The following ATP8B4 variants were observed in gnomAD, a reference collection of about 807,000 sequenced individuals.
ATP8B4 encodes ATPase phospholipid transporting 8B4 (putative).
ATP8B4 carries 133 observed loss-of-function variants against 145.6 expected under a neutral mutation model. The observed-to-expected ratio is 0.91, with a 90% CI of 0.79 to 1.05. The LOEUF is 1.05. Among genes scored for constraint, ATP8B4 ranks in the 50% least tolerant of loss-of-function variants. The pLI is 0.00. For missense variants in ATP8B4, 1,458 were observed against 1,425.2 expected (o/e 1.02, Z -0.37); for synonymous variants, 507 against 492.9 (o/e 1.03, Z -0.38).
chr15:50,101,748 A>G (rs1300947437), intron 2 of ATP8B4, among the ~76,000 whole-genome samples: 1 of 152,170 alleles, frequency 6.6e-6, no homozygotes, highest in Non-Finnish European at 1.5e-5. Flanking sequence ...TGGACTTAAC[A>G]GATATTTACA....
intron 20 of ATP8B4, among the ~76,000 whole-genome samples, chr15:49,910,578 A>T (rs1388349313): frequency 1.3e-5 from 2 of 152,202 alleles, no homozygotes; most frequent in Non-Finnish European, 2.9e-5. Context: ...TGACAATGAT[A>T]AAATTCTAAA....
At chr15:50,161,934 G>A (rs969177742) in intron 1 of ATP8B4, among the ~76,000 whole-genome samples, 2 of 152,036 alleles carry the variant, frequency 1.3e-5, no homozygotes, top group South Asian at 4.1e-4. Flanking sequence ...ACTCCTTTTA[G>A]CATTTCTTGG....
At chr15:50,129,391 C>A (rs2057329590) in intron 1 of ATP8B4, among the ~76,000 whole-genome samples, 1 of 152,140 alleles carries the variant, frequency 6.6e-6, no homozygotes, top group Non-Finnish European at 1.5e-5. Flanking sequence ...ATGTTCCATG[C>A]CTCTCTTCAG....
At chr15:49,933,112 G>A (rs543617562) in intron 15 of ATP8B4, among the ~76,000 whole-genome samples, 1 of 151,938 alleles carries the variant, frequency 6.6e-6, no homozygotes, top group South Asian at 2.1e-4. Context: ...TATAAATTAA[G>A]TTCAAAGTAA....
chr15:50,047,632 C>A (rs1327387107), intron 3 of ATP8B4, among the ~76,000 whole-genome samples, 168 bp from the exon 4 acceptor site: 1 of 151,892 alleles, frequency 6.6e-6, no homozygotes, highest in Non-Finnish European at 1.5e-5. Flanking sequence ...ATGATATGCT[C>A]CTGATACTAG....
At chr15:50,104,467 AAT>A (rs2056560379) in intron 2 of ATP8B4, among the ~76,000 whole-genome samples, 1 of 152,218 alleles carries the variant, frequency 6.6e-6, no homozygotes, top group Admixed American at 6.5e-5. Context: ...ATGGCCAACA[AAT>A]ATATGAAAAA....
At chr15:50,170,996 A>G (rs1046884991) in intron 1 of ATP8B4, among the ~76,000 whole-genome samples, 6 of 152,232 alleles carry the variant, frequency 3.9e-5, no homozygotes, top group African/African-American at 1.4e-4. Flanking sequence ...GGCCTTGTTC[A>G]ACAGGAAAAT....
At chr15:50,012,546 G>A (rs2048793210) in intron 6 of ATP8B4, among the ~76,000 whole-genome samples, 1 of 152,074 alleles carries the variant, frequency 6.6e-6, no homozygotes, top group African/African-American at 2.4e-5. Context: ...CTTTACAATG[G>A]ACAATTGGAC....
chr15:49,940,947 G>C (rs946958635), intron 14 of ATP8B4, among the ~76,000 whole-genome samples: 10 of 152,030 alleles, frequency 6.6e-5, no homozygotes, highest in African/African-American at 2.4e-4. Context: ...TAGAGAGAAA[G>C]ACAGAGAGAG....
intron 1 of ATP8B4, among the ~76,000 whole-genome samples, chr15:50,181,117 A>G (rs2044841011): frequency 6.6e-6 from 1 of 152,204 alleles, no homozygotes; most frequent in East Asian, 1.9e-4. Context: ...CCACCTGTAT[A>G]AAATAACTCA....
chr15:49,919,979 G>A (rs1463310288), intron 18 of ATP8B4, among the ~76,000 whole-genome samples: 2 of 152,144 alleles, frequency 1.3e-5, no homozygotes. Flanking sequence ...GACCATCAGA[G>A]GTTGACAAAG....
At chr15:49,901,857 A>G (rs2038076338) in intron 20 of ATP8B4, 1 of 408,002 alleles carries the variant, frequency 2.5e-6, no homozygotes, top group African/African-American at 2.1e-5. Context: ...AAAAAATAGA[A>G]TAAATCTTCT....
At chr15:50,175,818 T>A (rs1444256258) in intron 1 of ATP8B4, among the ~76,000 whole-genome samples, 4 of 152,156 alleles carry the variant, frequency 2.6e-5, no homozygotes, top group African/African-American at 9.7e-5. Flanking sequence ...AAAGTAGAAC[T>A]ACGATTTGAT....
intron 2 of ATP8B4, among the ~76,000 whole-genome samples, chr15:50,099,530 C>T (rs2056213972): frequency 6.6e-6 from 1 of 152,208 alleles, no homozygotes; most frequent in African/African-American, 2.4e-5. Flanking sequence ...ATCCTCCTAC[C>T]TCAGCCTCCT....
In ATP8B4 at chr15:50,176,102, G is replaced by GTA. The variant is rs761439662; in HGVS notation, c.-43+6157_-43+6158dup. ...ATACCACAGAGTATATATATAGTGT[G>GTA]TATATATATATACTGCACAGCATAT... On this transcript the variant is annotated intron_variant, in intron 1 of 3. Coordinates refer to the ATP8B4 transcript ENST00000558829. Among the ~76,000 whole-genome samples the GTA allele has an allele frequency of 3.0e-3, 446 of 149,364 alleles. 2 individuals carry two copies. Among genetic ancestry groups the GTA allele is most frequent in the African/African-American group, 9.8e-3 (391 of 40,018 alleles).
intron 2 of ATP8B4, among the ~76,000 whole-genome samples, chr15:50,090,708 G>A (rs2055554829): frequency 6.6e-6 from 1 of 152,046 alleles, no homozygotes; most frequent in Non-Finnish European, 1.5e-5. Flanking sequence ...AAGACAATCA[G>A]CACTACTACA....
chr15:49,993,375 A>AGTGTGTGTGT (rs34145133), intron 9 of ATP8B4, among the ~76,000 whole-genome samples: 1 of 151,166 alleles, frequency 6.6e-6, no homozygotes, highest in Admixed American at 6.6e-5. Context: ...TGCTGATAGT[A>AGTGTGTGTGT]GTGTGTGTGT....
At chr15:49,975,072 T>C (rs1270182956) in intron 12 of ATP8B4, among the ~76,000 whole-genome samples, 1 of 152,144 alleles carries the variant, frequency 6.6e-6, no homozygotes, top group African/African-American at 2.4e-5. Flanking sequence ...AATGTATCCA[T>C]CTAAGTAAAC....
intron 1 of ATP8B4, among the ~76,000 whole-genome samples, chr15:50,145,181 C>T (rs190291384): frequency 1.1e-3 from 169 of 152,076 alleles, no homozygotes; most frequent in African/African-American, 3.9e-3. Context: ...CAGGATAAAA[C>T]AAAATTGAAC....
Sources: gnomAD v4.1 joint callset for allele counts (sites outside exome capture counted in the v4.1 genomes callset) on GRCh38, gnomAD v4.1.1 for gene constraint, MANE v1.5 for transcripts, NCBI Gene and HGNC (gene_info 2026-07-23, HGNC 2026-07-21) for gene names.